CALM2: variants seen among roughly 807,000 people sequenced by gnomAD.
The protein encoded by CALM2 is calmodulin-2.
CALM2 carries 2 observed loss-of-function variants against 19.8 expected under a neutral mutation model. The ratio of observed to expected loss-of-function variants is 0.10; its 90% CI spans 0.04 to 0.32. The LOEUF (loss-of-function observed/expected upper bound fraction) is 0.32, where lower values mean the gene tolerates loss of function less well. CALM2 is among the 10% of genes least tolerant of loss of function. The probability of loss-of-function intolerance (pLI) is 1.00; values close to 1 mark genes in which losing one functional copy is unlikely to be tolerated. For synonymous variants in CALM2, 51 were observed against 52.1 expected (o/e 0.98, Z 0.09); for missense variants, 38 against 178.7 (o/e 0.21, Z 4.49).
intron 2 of CALM2, among the ~76,000 whole-genome samples, chr2:47,165,699 T>G (rs1666444892): frequency 6.6e-6 from 1 of 152,184 alleles, no homozygotes; most frequent in Non-Finnish European, 1.5e-5. Context: ...GAAGATATCT[T>G]TAGTCTACCC....
At chr2:47,173,875 A>T (rs1666758410) in intron 1 of CALM2, 1 of 152,232 alleles carries the variant, frequency 6.6e-6, no homozygotes, top group Non-Finnish European at 1.5e-5. Flanking sequence ...CCTAATTCTG[A>T]AGAATAGTAC....
chr2:47,176,288 C>G, intron 1 of CALM2, 153 bp downstream of exon 1: 1 of 877,726 alleles, frequency 1.1e-6, no homozygotes, highest in Non-Finnish European at 1.7e-6. Context: ...TGCGACACAA[C>G]CGTCGCCGGC....
intron 1 of CALM2, chr2:47,171,193 C>G (rs1392166668): frequency 1.3e-5 from 2 of 154,076 alleles, no homozygotes; most frequent in Non-Finnish European, 2.8e-5. Flanking sequence ...AAAAAAGGCA[C>G]AAACTTTTAT....
At chr2:47,172,054 T>C (rs1307747638) in intron 1 of CALM2, 5 of 151,230 alleles carry the variant, frequency 3.3e-5, no homozygotes. Context: ...AATACAGAGT[T>C]TGTAAAATAA....
chr2:47,176,409 G>A (rs1372113434), intron 1 of CALM2, 32 bp downstream of exon 1: 1 of 1,611,678 alleles, frequency 6.2e-7, no homozygotes, highest in Non-Finnish European at 8.5e-7. Flanking sequence ...CCCCCCACAG[G>A]CCCAGCGCCG....
At chr2:47,162,842 C>A (rs1402995252) in intron 2 of CALM2, 180 bp from the exon 3 acceptor site, 3 of 504,652 alleles carry the variant, frequency 5.9e-6, no homozygotes, top group Non-Finnish European at 1.1e-5. Context: ...AAACTTTTAA[C>A]GGAAAAATAC....
At chr2:47,168,959 G>A (rs1009220943) in intron 2 of CALM2, among the ~76,000 whole-genome samples, 2 of 152,046 alleles carry the variant, frequency 1.3e-5, no homozygotes, top group African/African-American at 4.8e-5. Flanking sequence ...TGTATTTTTA[G>A]GAGAGATGGG....
At position 47,175,356 on chromosome 2, in the gene CALM2, G is replaced by A. The variant is rs1437430381; in HGVS notation, c.3+1085C>T. 2.0e-5 allele frequency among the ~76,000 whole-genome samples: 3 copies of A among 152,080 alleles called. No individual in the cohort carries two copies. In the South Asian group the frequency reaches 6.2e-4, roughly 32 times the overall value. On this transcript the variant is annotated intron_variant, in intron 1 of 5. Transcript: ENST00000272298. ...GCACGCTGTTTTCAAGCATAGAATA[G>A]GGACAGGGGCTCTTCAAAGGCATCC...
At chr2:47,165,286 G>A (rs1340537067) in intron 2 of CALM2, among the ~76,000 whole-genome samples, 1 of 152,200 alleles carries the variant, frequency 6.6e-6, no homozygotes, top group South Asian at 2.1e-4. Context: ...TTCTGGCAAT[G>A]CAATATGGAC....
chr2:47,176,811 T>C (rs1666889238), upstream of CALM2: 19 of 985,248 alleles, frequency 1.9e-5, no homozygotes, highest in Non-Finnish European at 2.3e-5. Context: ...GCGTCCCCCG[T>C]TGGTCGTTGA....
At position 47,161,752 on chromosome 2, in the gene CALM2, A is replaced by G. The variant is rs1255299766; in HGVS notation, c.392T>C (p.Ile131Thr). 3.7e-6 allele frequency: 6 copies of G among 1,612,382 alleles called. No homozygotes were observed. The highest frequency in any genetic ancestry group is 4.2e-6 in the Non-Finnish European group (5 of 1,179,434). Reference sequence around the variant, plus strand: ...ATAGTTTACTTGACCATCACCATCAATATCTGCTTCCCTGATCATTTCATC... The same window carrying G: ...ATAGTTTACTTGACCATCACCATCAGTATCTGCTTCCCTGATCATTTCATC... ...EVDEMIREADIDGDGQVNYEE... is the reference protein window; with the variant it reads ...EVDEMIREADTDGDGQVNYEE... Residue 131 changes from isoleucine (I) to threonine (T), a missense_variant, in exon 5 of 6, where the codon ATT becomes ACT. Transcript: ENST00000272298.
In CALM2 at chr2:47,168,590, T is replaced by C. The variant is rs768470148; in HGVS notation, c.34+2144A>G. Among the ~76,000 whole-genome samples the C allele has an allele frequency of 2.6e-4, 39 of 151,812 alleles. 1 individual carries two copies. The highest frequency in any genetic ancestry group is 2.1e-4 in the Non-Finnish European group (14 of 67,924). ...CCCATCTCTACTAAAAATACAAAAA[T>C]AGCCAGGTGGTGCATGCCTCTAATC... On this transcript the variant is annotated intron_variant, in intron 2 of 5. Coordinates refer to ENST00000272298, the MANE Select transcript of CALM2 (RefSeq NM_001743.6).
At chr2:47,176,260 T>A (rs1666863943) in intron 1 of CALM2, 181 bp downstream of exon 1, 1 of 668,660 alleles carries the variant, frequency 1.5e-6, no homozygotes, top group African/African-American at 1.8e-5. Context: ...CTGAAGAGAA[T>A]GGGGGTGGGG....
chr2:47,176,249 C>A (rs1274561166), intron 1 of CALM2, 192 bp downstream of exon 1: 11 of 640,486 alleles, frequency 1.7e-5, no homozygotes, highest in Non-Finnish European at 2.7e-5. Flanking sequence ...AGGAAGCCCC[C>A]CTGAAGAGAA....
At position 47,176,303 on chromosome 2, in the gene CALM2, C is replaced by T. The variant is rs544402192; in HGVS notation, c.3+138G>A. On this transcript the variant is annotated intron_variant, in intron 1 of 5. Transcript: ENST00000272298. ...TGCGACACAACCGTCGCCGGCATCC[C>T]TGGCCTCTTTCGCGCCATCCCTCTG... 67 of 1,051,676 alleles carry T rather than the reference C, an allele frequency of 6.4e-5. 1 individual carries two copies. In the South Asian group the frequency reaches 9.6e-4, roughly 15 times the overall value. 65.1% of individuals were successfully genotyped at this position (1,051,676 alleles called of 1,614,324 possible).
intron 2 of CALM2, among the ~76,000 whole-genome samples, chr2:47,168,386 C>T (rs1490393127): frequency 6.6e-6 from 1 of 152,066 alleles, no homozygotes; most frequent in Non-Finnish European, 1.5e-5. Flanking sequence ...AACTTAAAGA[C>T]AATAAAGAGA....
intron 2 of CALM2, chr2:47,162,907 TATG>T (rs1352888603): frequency 2.2e-5 from 8 of 355,936 alleles, no homozygotes; most frequent in African/African-American, 1.7e-4. Flanking sequence ...AACCAATCTT[TATG>T]ATACCTTATG....
chr2:47,160,771 G>T lies in CALM2; in HGVS notation c.*5C>A. The T allele has an allele frequency of 6.8e-7, 1 of 1,481,232 alleles. No individual in the cohort carries two copies. Among genetic ancestry groups the T allele is most frequent in the Non-Finnish European group, 9.1e-7 (1 of 1,101,026 alleles). 91.8% of individuals were successfully genotyped at this position (1,481,232 alleles called of 1,614,324 possible). A position where few individuals can be genotyped will look rare whatever the true frequency, so the allele number is the denominator to read the frequency against. On this transcript the variant is annotated 3_prime_UTR_variant, in exon 6 of 6. Coordinates refer to ENST00000272298, the MANE Select transcript of CALM2 (RefSeq NM_001743.6). ...AAGAAATTTAACACATTCTGTACAA[G>T]GTCTTCACTTTGCTGTCATCATTTG...
intron 2 of CALM2, among the ~76,000 whole-genome samples, chr2:47,168,901 C>A (rs914056056): frequency 1.3e-5 from 2 of 152,058 alleles, no homozygotes; most frequent in African/African-American, 4.8e-5. Context: ...CATCAGCCTC[C>A]TGAGTGGCTG....
Sources: gnomAD v4.1 joint callset for allele counts (sites outside exome capture counted in the v4.1 genomes callset) on GRCh38, gnomAD v4.1.1 for gene constraint, MANE v1.5 for transcripts, NCBI Gene and HGNC (gene_info 2026-07-23, HGNC 2026-07-21) for gene names.